Variants in GRM7 observed in about 807,000 individuals in gnomAD.
GRM7 encodes metabotropic glutamate receptor 7.
GRM7 carries 35 observed loss-of-function variants against 84.5 expected under a neutral mutation model. The ratio of observed to expected loss-of-function variants is 0.41; its 90% CI spans 0.32 to 0.55. GRM7 has a LOEUF of 0.55. Among genes scored for constraint, GRM7 ranks in the 20% least tolerant of loss-of-function variants. The pLI, the probability that GRM7 is intolerant of heterozygous loss-of-function variation, is 0.19. For synonymous variants in GRM7, 487 were observed against 455.1 expected, an observed-to-expected ratio of 1.07 and a Z score of -0.89; for missense variants, 1,003 against 1,194.6, an observed-to-expected ratio of 0.84 and a Z score of 2.36.
At chr3:7,668,908 T>A (rs1699813333) in intron 8 of GRM7, among the ~76,000 whole-genome samples, 1 of 152,250 alleles carries the variant, frequency 6.6e-6, no homozygotes, top group African/African-American at 2.4e-5. Context: ...TTTCATTACT[T>A]CTAGATGCTC....
At chr3:7,136,795 T>C (rs1559463791) in intron 1 of GRM7, among the ~76,000 whole-genome samples, 1 of 152,110 alleles carries the variant, frequency 6.6e-6, no homozygotes, top group Non-Finnish European at 1.5e-5. Flanking sequence ...TGGTATCCAA[T>C]GGGGAAACAA....
At chr3:7,217,602 C>T (rs941072743) in intron 2 of GRM7, among the ~76,000 whole-genome samples, 1 of 150,110 alleles carries the variant, frequency 6.7e-6, no homozygotes, top group Non-Finnish European at 1.5e-5. Context: ...TCTGTCCACA[C>T]ACCCATGTGC....
chr3:7,469,633 G>A (rs1487859374), intron 7 of GRM7, among the ~76,000 whole-genome samples: 1 of 152,074 alleles, frequency 6.6e-6, no homozygotes, highest in Non-Finnish European at 1.5e-5. Flanking sequence ...AAAGGACTTA[G>A]GATTGGGTCT....
intron 1 of GRM7, among the ~76,000 whole-genome samples, chr3:6,966,440 G>C (rs1265465810): frequency 6.6e-6 from 1 of 152,180 alleles, no homozygotes; most frequent in Non-Finnish European, 1.5e-5. Context: ...AACAGAAGCT[G>C]TTATATTTTT....
chr3:7,103,820 C>CTCTCTCTG (rs1699204489), intron 1 of GRM7, among the ~76,000 whole-genome samples: 1 of 85,644 alleles, frequency 1.2e-5, no homozygotes, highest in African/African-American at 7.1e-5. Context: ...CTTTCTTTCT[C>CTCTCTCTG]TCTCTCTCTG....
chr3:7,377,038 C>T (rs1499209), intron 4 of GRM7, among the ~76,000 whole-genome samples: 99,334 of 152,084 alleles, frequency 0.65, 33,159 homozygotes, highest in African/African-American at 0.81. Flanking sequence ...CCCAAATACA[C>T]TTTAGAAGAA....
At chr3:7,676,028 T>G (rs1700107555) in intron 8 of GRM7, among the ~76,000 whole-genome samples, 1 of 151,630 alleles carries the variant, frequency 6.6e-6, no homozygotes. Context: ...CAGGCTGGAG[T>G]GCAGTGGCGT....
chr3:7,691,039 ATT>A (rs5846531), intron 9 of GRM7: 5,358 of 325,684 alleles, frequency 0.016, no homozygotes, highest in South Asian at 0.022. Flanking sequence ...AACTTTGCAG[ATT>A]TTTTTTTTTG....
At chr3:6,939,575 A>G (rs376096419) in intron 1 of GRM7, among the ~76,000 whole-genome samples, 1 of 152,310 alleles carries the variant, frequency 6.6e-6, no homozygotes, top group South Asian at 2.1e-4. Flanking sequence ...TAAGTTTTAG[A>G]TAGTGAGATG....
At chr3:7,673,810 A>G (rs1559479642) in intron 8 of GRM7, among the ~76,000 whole-genome samples, 1 of 152,198 alleles carries the variant, frequency 6.6e-6, no homozygotes, top group Non-Finnish European at 1.5e-5. Context: ...GTGTTCACCT[A>G]GTGTTTCTTG....
At chr3:7,084,410 C>G (rs1698374615) in intron 1 of GRM7, among the ~76,000 whole-genome samples, 1 of 152,048 alleles carries the variant, frequency 6.6e-6, no homozygotes, top group African/African-American at 2.4e-5. Flanking sequence ...GTTTAAGAAT[C>G]ATGCTTTGGG....
intron 2 of GRM7, among the ~76,000 whole-genome samples, chr3:7,181,764 A>G (rs1695345305): frequency 6.6e-6 from 1 of 151,986 alleles, no homozygotes. Flanking sequence ...ATGCACCAGC[A>G]CACCCAGTTA....
chr3:7,334,449 C>T (rs200454722), intron 4 of GRM7, among the ~76,000 whole-genome samples: 11 of 149,996 alleles, frequency 7.3e-5, no homozygotes, highest in East Asian at 3.9e-4. Context: ...AAATAGAATC[C>T]GCCCAAAGCA....
intron 1 of GRM7, among the ~76,000 whole-genome samples, chr3:6,929,032 A>G (rs1194452103): frequency 1.3e-5 from 2 of 152,178 alleles, no homozygotes; most frequent in Non-Finnish European, 2.9e-5. Context: ...TGGAAAGCTG[A>G]TAAATAATTG....
intron 1 of GRM7, among the ~76,000 whole-genome samples, chr3:7,136,103 G>A (rs371585751): frequency 2.0e-4 from 31 of 151,966 alleles, no homozygotes; most frequent in African/African-American, 5.1e-4. Flanking sequence ...GTGAAAGTGC[G>A]TCATACATGC....
intron 8 of GRM7, among the ~76,000 whole-genome samples, chr3:7,624,668 TTTAATAATA>T (rs1697522191): frequency 6.6e-6 from 1 of 152,140 alleles, no homozygotes; most frequent in African/African-American, 2.4e-5. Flanking sequence ...GTTATGAAAA[TTTAATAATA>T]TATGGGAAGT....
At chr3:6,916,667 T>C (rs948148221) in intron 1 of GRM7, among the ~76,000 whole-genome samples, 2 of 152,050 alleles carry the variant, frequency 1.3e-5, no homozygotes, top group African/African-American at 4.8e-5. Flanking sequence ...ATCCCATTCA[T>C]GAGAACTCTG....
chr3:7,362,515 A>G (rs1693709820), intron 4 of GRM7, among the ~76,000 whole-genome samples: 1 of 151,956 alleles, frequency 6.6e-6, no homozygotes, highest in Non-Finnish European at 1.5e-5. Context: ...ACAGCTAGTT[A>G]TTTTAAGTTA....
At chr3:6,932,261 A>G (rs1263865736) in intron 1 of GRM7, among the ~76,000 whole-genome samples, 2 of 152,192 alleles carry the variant, frequency 1.3e-5, no homozygotes, top group East Asian at 1.9e-4. Flanking sequence ...AGGGCCCACA[A>G]TTAGGCTTTT....
Sources: allele counts gnomAD v4.1 joint callset (sites outside exome capture counted in the v4.1 genomes callset), GRCh38; gene constraint gnomAD v4.1.1; transcripts MANE v1.5; gene names NCBI Gene and HGNC (gene_info 2026-07-23, HGNC 2026-07-21).